Variants in TIMD4 observed in about 807,000 individuals in gnomAD.
TIMD4 encodes the protein T cell immunoglobulin and mucin domain containing 4, also known as T-cell immunoglobulin and mucin domain-containing protein 4.
In TIMD4, 31 loss-of-function variants were observed where a neutral mutation model predicts 41.2. That is an observed-to-expected ratio of 0.75 (90% CI 0.57 to 1.01). The LOEUF (loss-of-function observed/expected upper bound fraction) is 1.01. Among genes scored for constraint, TIMD4 ranks in the 50% least tolerant of loss-of-function variants. The probability of loss-of-function intolerance (pLI) is 0.00; values close to 1 mark genes in which losing one functional copy is unlikely to be tolerated. For synonymous variants in TIMD4, 204 were observed against 177.1 expected (o/e 1.15, Z -1.21); for missense variants, 479 against 472.5 (o/e 1.01, Z -0.13).
rs997310557 is a variant in TIMD4, at chr5:156,939,196, C to T, written c.844+9220G>A. ...AGCTCAGGTTCAAGCACCAAAGAGA[C>T]CTGGGATTCAAATTCTGGACAATTT... is the stretch of plus-strand genomic sequence containing the variant. On this transcript the variant is annotated intron_variant, in intron 5 of 8. Coordinates refer to ENST00000274532, the MANE Select transcript of TIMD4 (RefSeq NM_138379.3). Among the ~76,000 whole-genome samples the T allele has an allele frequency of 7.2e-5, 11 of 152,162 alleles. No individual in the cohort carries two copies. The South Asian group carries it at 1.2e-3, about 17-fold the overall frequency.
intron 5 of TIMD4, among the ~76,000 whole-genome samples, chr5:156,944,541 T>G (rs1241330604): frequency 6.7e-6 from 1 of 149,504 alleles, no homozygotes; most frequent in Non-Finnish European, 1.5e-5. Context: ...GTCTCGTTAT[T>G]TCCCCCAGGC....
At chr5:156,929,104 T>C (rs995986365) in intron 5 of TIMD4, among the ~76,000 whole-genome samples, 4 of 152,176 alleles carry the variant, frequency 2.6e-5, no homozygotes, top group Non-Finnish European at 5.9e-5. Flanking sequence ...AGGGCTACAG[T>C]GTCATACACA....
intron 1 of TIMD4, among the ~76,000 whole-genome samples, chr5:156,956,470 C>T (rs966603295): frequency 4.6e-5 from 7 of 152,232 alleles, no homozygotes; most frequent in Non-Finnish European, 1.0e-4. Flanking sequence ...GTTAAAAATA[C>T]ATAGTTCATT....
At chr5:156,951,030 A>ACC (rs35096569) in intron 3 of TIMD4, among the ~76,000 whole-genome samples, 1 of 151,540 alleles carries the variant, frequency 6.6e-6, no homozygotes, top group Non-Finnish European at 1.5e-5. Flanking sequence ...ACACACACAC[A>ACC]CCCATGCCTA....
intron 3 of TIMD4, 98 bp from the exon 4 acceptor site, chr5:156,949,829 AT>A: frequency 1.3e-6 from 1 of 741,024 alleles, no homozygotes; most frequent in Non-Finnish European, 2.3e-6. Flanking sequence ...TAATTAATTA[AT>A]TTTTTGAAAC....
chr5:156,954,786 T>C, intron 1 of TIMD4, 30 bp from the exon 2 acceptor site: 2 of 1,556,254 alleles, frequency 1.3e-6, no homozygotes, highest in Non-Finnish European at 1.7e-6. Context: ...ATTTAGGTCA[T>C]GCAGTACTGA....
chr5:156,943,295 C>T (rs549968682), intron 5 of TIMD4, among the ~76,000 whole-genome samples: 2 of 152,314 alleles, frequency 1.3e-5, no homozygotes, highest in African/African-American at 4.8e-5. Context: ...GCATTTTTCT[C>T]ATGCATTTTC....
At chr5:156,944,495 C>CTTT (rs5872492) in intron 5 of TIMD4, among the ~76,000 whole-genome samples, 11 of 69,096 alleles carry the variant, frequency 1.6e-4, no homozygotes, top group Non-Finnish European at 2.0e-4. Flanking sequence ...GCTGTGTGAT[C>CTTT]TTTTTTTTTT....
chr5:156,920,203 C>T (rs7732745), intron 8 of TIMD4, among the ~76,000 whole-genome samples: 23,667 of 152,166 alleles, frequency 0.16, 2,350 homozygotes, highest in Middle Eastern at 0.26. Flanking sequence ...GAGTAAAGTG[C>T]CATATCACCT....
At chr5:156,936,040 A>C (rs569177086) in intron 5 of TIMD4, among the ~76,000 whole-genome samples, 261 of 152,242 alleles carry the variant, frequency 1.7e-3, no homozygotes, top group Middle Eastern at 0.017. Context: ...GGAGTTCAAG[A>C]CCAGCCTGGG....
chr5:156,951,194 G>C (rs1011781816), intron 3 of TIMD4, among the ~76,000 whole-genome samples: 2 of 152,094 alleles, frequency 1.3e-5, no homozygotes, highest in African/African-American at 4.8e-5. Context: ...AATACAACTG[G>C]TATTCTTACA....
intron 5 of TIMD4, among the ~76,000 whole-genome samples, chr5:156,928,943 G>C (rs1239990061): frequency 6.6e-6 from 1 of 152,186 alleles, no homozygotes; most frequent in African/African-American, 2.4e-5. Flanking sequence ...GGTCAGTTTT[G>C]TCAGAGCTAA....
chr5:156,949,418 CCCTCCTCCTCCT>C lies in TIMD4; in HGVS notation c.760+221_760+232del, dbSNP rs150412627. Among the ~76,000 whole-genome samples the C allele has an allele frequency of 3.9e-4, 57 of 146,196 alleles. 1 individual carries two copies. The highest frequency in any genetic ancestry group is 6.2e-4 in the Non-Finnish European group (41 of 66,302). ...AGAAGGGTCTTCCTTTTCCCTACCT[CCCTCCTCCTCCT>C]CCTCCTCCTCCTCCTCCTCCTCCTT... is the stretch of plus-strand genomic sequence containing the variant. On this transcript the variant is annotated intron_variant, in intron 4 of 8. Coordinates refer to ENST00000274532, the MANE Select transcript of TIMD4 (RefSeq NM_138379.3).
intron 1 of TIMD4, among the ~76,000 whole-genome samples, chr5:156,961,065 T>G (rs2113402091): frequency 6.6e-6 from 1 of 152,296 alleles, no homozygotes; most frequent in South Asian, 2.1e-4. Flanking sequence ...AATATGGGTG[T>G]TTTCTCATGC....
intron 1 of TIMD4, among the ~76,000 whole-genome samples, chr5:156,961,867 T>C (rs954689018): frequency 9.7e-6 from 1 of 102,818 alleles, no homozygotes; most frequent in Non-Finnish European, 2.1e-5. Flanking sequence ...ATGTGGTATA[T>C]AAACACAGTA....
chr5:156,961,733 G>C (rs778726838), intron 1 of TIMD4, among the ~76,000 whole-genome samples: 3 of 134,028 alleles, frequency 2.2e-5, no homozygotes, highest in Non-Finnish European at 4.6e-5. Flanking sequence ...GACCCAGGAG[G>C]CAGAGCTTGC....
At chr5:156,925,794 T>A (rs1055953070) in intron 6 of TIMD4, among the ~76,000 whole-genome samples, 6 of 152,270 alleles carry the variant, frequency 3.9e-5, no homozygotes, top group Non-Finnish European at 7.3e-5. Flanking sequence ...TACAAGTCTA[T>A]AAATTATTGG....
At chr5:156,940,013 G>T (rs1347991090) in intron 5 of TIMD4, among the ~76,000 whole-genome samples, 1 of 152,222 alleles carries the variant, frequency 6.6e-6, no homozygotes, top group Non-Finnish European at 1.5e-5. Context: ...TGTTGCCGAG[G>T]CTGGACTGTA....
At position 156,926,290 on chromosome 5, in the gene TIMD4, CTCAGGAACTGCTGTA is replaced by C; in HGVS notation, c.852_866del (p.Asp284_Pro288del). 1 of 1,613,514 alleles carries C rather than the reference CTCAGGAACTGCTGTA, an allele frequency of 6.2e-7. No individual in the cohort carries two copies. Among genetic ancestry groups the C allele is most frequent in the Non-Finnish European group, 8.5e-7 (1 of 1,179,672 alleles). ...GTCCTGTTTTTGTTGTTTTGTTCTGCTCAGGAACTGCTGTATCAGATGCTGGGAAGGAAAAGAGAA... is the reference window on the plus strand; with the variant it reads ...GTCCTGTTTTTGTTGTTTTGTTCTGCTCAGATGCTGGGAAGGAAAAGAGAA... On this transcript the variant is annotated inframe_deletion, in exon 6 of 9. Coordinates refer to ENST00000274532, the MANE Select transcript of TIMD4 (RefSeq NM_138379.3).
Sources: gnomAD v4.1 joint callset for allele counts (sites outside exome capture counted in the v4.1 genomes callset) on GRCh38, gnomAD v4.1.1 for gene constraint, MANE v1.5 for transcripts, NCBI Gene and HGNC (gene_info 2026-07-23, HGNC 2026-07-21) for gene names.